The following KLF12 variants were observed in gnomAD, a reference collection of about 807,000 sequenced individuals.
KLF12 encodes the protein Krueppel-like factor 12.
KLF12 carries 9 observed loss-of-function variants against 37.8 expected under a neutral mutation model. That is an observed-to-expected ratio of 0.24 (90% confidence interval 0.14 to 0.42). The LOEUF (loss-of-function observed/expected upper bound fraction) is 0.42. KLF12 is among the 10% of genes least tolerant of loss of function. The pLI is 1.00. For missense variants in KLF12, 411 were observed against 516.0 expected, an observed-to-expected ratio of 0.80 and a Z score of 1.97; for synonymous variants, 208 against 202.1, an observed-to-expected ratio of 1.03 and a Z score of -0.25.
chr13:74,006,407 G>A (rs192975589), intron 1 of KLF12, among the ~76,000 whole-genome samples: 100 of 152,110 alleles, frequency 6.6e-4, no homozygotes, highest in African/African-American at 2.2e-3. Flanking sequence ...TCTTAGTGTC[G>A]ATTACCACCA....
At chr13:73,828,851 G>A (rs1267459991) in intron 4 of KLF12, among the ~76,000 whole-genome samples, 1 of 151,898 alleles carries the variant, frequency 6.6e-6, no homozygotes, top group Admixed American at 6.6e-5. Context: ...TCTACTTGTC[G>A]AATCTATCTA....
At chr13:74,051,885 T>C (rs1872947682) in intron 1 of KLF12, among the ~76,000 whole-genome samples, 1 of 152,212 alleles carries the variant, frequency 6.6e-6, no homozygotes, top group Non-Finnish European at 1.5e-5. Context: ...GAATGCATTT[T>C]GAATGTTCTC....
At chr13:73,781,538 C>A (rs1377150579) in intron 5 of KLF12, among the ~76,000 whole-genome samples, 1 of 152,134 alleles carries the variant, frequency 6.6e-6, no homozygotes, top group Non-Finnish European at 1.5e-5. Flanking sequence ...TCAAGACAAA[C>A]TGAATTTACA....
chr13:73,796,615 T>A (rs1302750729), intron 5 of KLF12, among the ~76,000 whole-genome samples: 1 of 151,966 alleles, frequency 6.6e-6, no homozygotes, highest in African/African-American at 2.4e-5. Flanking sequence ...GTCCTTGATA[T>A]CTGTTCCTGT....
chr13:73,901,578 TA>T (rs563482994), intron 3 of KLF12, among the ~76,000 whole-genome samples: 3,719 of 147,228 alleles, frequency 0.025, 54 homozygotes, highest in Non-Finnish European at 0.032. Context: ...TCCTTCATTC[TA>T]AAAAAAAAAA....
At chr13:74,136,393 A>G (rs138776818), upstream of KLF12, among the ~76,000 whole-genome samples, 421 of 152,338 alleles carry the variant, frequency 2.8e-3, 3 homozygotes, top group Middle Eastern at 0.017. Flanking sequence ...GCAGCAGAAT[A>G]TCAACAACTG....
chr13:73,946,984 C>A (rs1890453384), intron 2 of KLF12, among the ~76,000 whole-genome samples: 1 of 152,154 alleles, frequency 6.6e-6, no homozygotes, highest in Admixed American at 6.5e-5. Context: ...AGATCAGATA[C>A]ATATAATCTC....
intron 1 of KLF12, among the ~76,000 whole-genome samples, chr13:74,104,400 G>A (rs1403146569): frequency 2.0e-5 from 3 of 152,190 alleles, no homozygotes; most frequent in Non-Finnish European, 4.4e-5. Flanking sequence ...TAACTTGCAT[G>A]TTCTATGAAT....
intron 1 of KLF12, among the ~76,000 whole-genome samples, chr13:74,111,036 C>T (rs1876941489): frequency 6.6e-6 from 1 of 151,656 alleles, no homozygotes; most frequent in Admixed American, 6.6e-5. Context: ...GCCTGTAATC[C>T]TAACTACTCA....
intron 1 of KLF12, among the ~76,000 whole-genome samples, chr13:74,103,136 A>C (rs1239418859): frequency 6.6e-6 from 1 of 152,274 alleles, no homozygotes; most frequent in Non-Finnish European, 1.5e-5. Flanking sequence ...ATGAAATGCG[A>C]AACGTGTGCT....
chr13:73,935,602 A>C (rs1206907166), intron 3 of KLF12, among the ~76,000 whole-genome samples: 1 of 151,870 alleles, frequency 6.6e-6, no homozygotes, highest in East Asian at 1.9e-4. Flanking sequence ...ATGATGCACG[A>C]GCTCCCACTT....
Position 73,938,007 on chromosome 13 carries a change from T to C in KLF12, c.123+5974A>G, listed in dbSNP as rs1593756781. Among the ~76,000 whole-genome samples the C allele has an allele frequency of 3.3e-5, 5 of 152,206 alleles. No homozygotes were observed. The South Asian group carries it at 1.0e-3, about 32-fold the overall frequency. ...TGACATGCAAAGATTTCACTACAGA[T>C]CAAAAGATCTCAAGCAGCAGGTCAT... is the stretch of plus-strand genomic sequence containing the variant. On this transcript the variant is annotated intron_variant, in intron 3 of 7. Transcript: ENST00000377669.
At chr13:73,895,927 T>G (rs1026923832) in intron 3 of KLF12, among the ~76,000 whole-genome samples, 3 of 151,882 alleles carry the variant, frequency 2.0e-5, no homozygotes, top group Admixed American at 2.0e-4. Flanking sequence ...TTCAAGTGAT[T>G]CTCCTACCTC....
At position 74,002,616 on chromosome 13, in the gene KLF12, T is replaced by A. The variant is rs183886635; in HGVS notation, c.-31-7563A>T. The stretch of plus-strand genomic sequence containing the variant: ...TTCCCAGGCTCAAGCAACATTCTTG[T>A]CTCAGGCTCCCAAAGTGCTGGGATT... On this transcript the variant is annotated intron_variant, in intron 1 of 7. Coordinates refer to ENST00000377669, the MANE Select transcript of KLF12 (RefSeq NM_007249.5). Among the ~76,000 whole-genome samples, 317 of 152,244 alleles carry A rather than the reference T, an allele frequency of 2.1e-3. 1 individual carries two copies. The highest frequency in any genetic ancestry group is 6.8e-3 in the Middle Eastern group (2 of 294).
chr13:74,015,315 T>C (rs1034045307), intron 1 of KLF12, among the ~76,000 whole-genome samples: 6 of 152,152 alleles, frequency 3.9e-5, no homozygotes, highest in East Asian at 1.9e-4. Context: ...CAGGGTACCA[T>C]AAGGCTCACT....
intron 3 of KLF12, among the ~76,000 whole-genome samples, chr13:73,922,704 C>T (rs1055380618): frequency 3.3e-5 from 5 of 152,162 alleles, no homozygotes; most frequent in Non-Finnish European, 7.4e-5. Context: ...ACAGTGAACA[C>T]TGACTGGGAG....
At chr13:73,972,148 C>T (rs372106441) in intron 2 of KLF12, among the ~76,000 whole-genome samples, 2 of 152,076 alleles carry the variant, frequency 1.3e-5, no homozygotes, top group East Asian at 1.9e-4. Context: ...ATAATATACA[C>T]GAGTATGTAA....
At chr13:74,061,656 A>G (rs371069724) in intron 1 of KLF12, among the ~76,000 whole-genome samples, 3 of 152,374 alleles carry the variant, frequency 2.0e-5, no homozygotes, top group East Asian at 3.9e-4. Context: ...AACCTCTGCC[A>G]TAACTTCCAA....
intron 2 of KLF12, among the ~76,000 whole-genome samples, chr13:73,955,882 T>C (rs4450274): frequency 0.099 from 14,898 of 151,044 alleles, 867 homozygotes; most frequent in Admixed American, 0.19. Flanking sequence ...CCAACACCTC[T>C]GTGCCATTAC....
Sources: allele counts gnomAD v4.1 joint callset (sites outside exome capture counted in the v4.1 genomes callset), GRCh38; gene constraint gnomAD v4.1.1; transcripts MANE v1.5; gene names NCBI Gene and HGNC (gene_info 2026-07-23, HGNC 2026-07-21).